Variants in RNF144B observed in about 807,000 individuals in gnomAD.
The protein encoded by RNF144B is ring finger protein 144B.
In RNF144B, 25 loss-of-function variants were observed where a neutral mutation model predicts 40.2. The ratio of observed to expected loss-of-function variants is 0.62; its 90% CI spans 0.45 to 0.87. RNF144B has a LOEUF of 0.87. RNF144B is among the 40% of genes least tolerant of loss of function. The probability of loss-of-function intolerance (pLI) is 0.00; values close to 1 mark genes in which losing one functional copy is unlikely to be tolerated. For missense variants in RNF144B, 365 were observed against 373.7 expected, an observed-to-expected ratio of 0.98 and a Z score of 0.19; for synonymous variants, 145 against 136.3, an observed-to-expected ratio of 1.06 and a Z score of -0.44.
At chr6:18,440,151 C>G (rs1758927451) in intron 4 of RNF144B, among the ~76,000 whole-genome samples, 1 of 152,104 alleles carries the variant, frequency 6.6e-6, no homozygotes, top group Non-Finnish European at 1.5e-5. Flanking sequence ...TACATAACAC[C>G]TGTTTTTTTG....
Position 18,441,230 on chromosome 6 carries a change from A to C in RNF144B, c.331+1486A>C, listed in dbSNP as rs1758957834. 6.6e-6 allele frequency among the ~76,000 whole-genome samples: 1 copy of C among 152,158 alleles called. No individual in the cohort carries two copies. ...TTATCCCAACATCCTCCACTATAAAAATCAATTATAATTAGAACATGGACA... is the reference window on the plus strand; with the variant it reads ...TTATCCCAACATCCTCCACTATAAACATCAATTATAATTAGAACATGGACA... On this transcript the variant is annotated intron_variant, in intron 4 of 7. Transcript: ENST00000259939. The surrounding 1 kb of genome is among the most constrained non-coding windows in gnomAD (Gnocchi z 4.9).
In RNF144B at chr6:18,414,636, TATTTC is replaced by T. The variant is rs1464387666; in HGVS notation, c.166-12941_166-12937del. On this transcript the variant is annotated intron_variant, in intron 2 of 7. Transcript: ENST00000259939. The surrounding 1 kb of genome is among the most constrained non-coding windows in gnomAD (Gnocchi z 4.9). ...ATATGATTAGTTTTAATTAAGATAT[TATTTC>T]ATTATAATTTATTCAAACTGGTTTA... 1.3e-5 allele frequency among the ~76,000 whole-genome samples: 2 copies of T among 152,178 alleles called. No homozygotes were observed. Among genetic ancestry groups the T allele is most frequent in the African/African-American group, 4.8e-5 (2 of 41,456 alleles).
rs143057464 is a variant in RNF144B at position 18,415,777 on chromosome 6, A to G, written c.166-11804A>G. 5.3e-5 allele frequency among the ~76,000 whole-genome samples: 8 copies of G among 152,006 alleles called. No individual in the cohort carries two copies. The East Asian group carries it at 1.5e-3, about 29-fold the overall frequency. On this transcript the variant is annotated intron_variant, in intron 2 of 7. Transcript: ENST00000259939. ...TGGGTTGAATGGTTATATTTTATTC[A>G]GGTGACTAGCATAGCCGTACCTCAT...
chr6:18,406,249 G>A lies in RNF144B; in HGVS notation c.165+6550G>A. The A allele has an allele frequency of 2.1e-6, 1 of 481,832 alleles. No individual in the cohort carries two copies. Among genetic ancestry groups the A allele is most frequent in the Non-Finnish European group, 4.1e-6 (1 of 242,282 alleles). 29.8% of individuals were successfully genotyped at this position (481,832 alleles called of 1,614,324 possible). On this transcript the variant is annotated intron_variant, in intron 2 of 7. Coordinates refer to ENST00000259939, the MANE Select transcript of RNF144B (RefSeq NM_182757.4). This position sits in a 1 kb window ranked among gnomAD's most constrained non-coding sequence, Gnocchi z 4.2. ...GTGAGGGGGGTCAGGAGTGCTGTGG[G>A]GAAGAGGGACTTCTACTTTATTAGA... is the stretch of plus-strand genomic sequence containing the variant.
chr6:18,409,243 T>G (rs1794980110), intron 2 of RNF144B, among the ~76,000 whole-genome samples: 1 of 151,676 alleles, frequency 6.6e-6, no homozygotes, highest in African/African-American at 2.4e-5. Context: ...CCAGGCACAG[T>G]GGCGCACACC....
At position 18,419,173 on chromosome 6, in the gene RNF144B, A is replaced by G. The variant is rs1427428063; in HGVS notation, c.166-8408A>G. On this transcript the variant is annotated intron_variant, in intron 2 of 7. Transcript: ENST00000259939. This position sits in a 1 kb window ranked among gnomAD's most constrained non-coding sequence, Gnocchi z 4.6. ...TTGAATAGTAAGGCAGGCGAATGTT[A>G]TCTCTGAAGTTCCTTATCCTCTGTC... Among the ~76,000 whole-genome samples, 2 of 152,196 alleles carry G rather than the reference A, an allele frequency of 1.3e-5. No individual in the cohort carries two copies. The highest frequency in any genetic ancestry group is 2.4e-5 in the African/African-American group (1 of 41,460).
chr6:18,423,658 A>G (rs1758485597), intron 2 of RNF144B, among the ~76,000 whole-genome samples: 1 of 152,162 alleles, frequency 6.6e-6, no homozygotes, highest in South Asian at 2.1e-4. Flanking sequence ...AGACTCTCAG[A>G]GTTGGAAGAG....
chr6:18,421,577 A>G (rs1758427732), intron 2 of RNF144B, among the ~76,000 whole-genome samples: 1 of 152,078 alleles, frequency 6.6e-6, no homozygotes, highest in Non-Finnish European at 1.5e-5. Flanking sequence ...CCTACGTGGC[A>G]AAGCAGGGTG....
At chr6:18,432,429 C>T (rs1248549511) in intron 3 of RNF144B, among the ~76,000 whole-genome samples, 2 of 152,234 alleles carry the variant, frequency 1.3e-5, no homozygotes, top group Non-Finnish European at 2.9e-5. Context: ...TCCTCTATTG[C>T]ATCATCTGGT....
At chr6:18,396,341 C>G in intron 1 of RNF144B, 3 of 916,068 alleles carry the variant, frequency 3.3e-6, no homozygotes, top group Non-Finnish European at 3.9e-6. Context: ...CAATTAATTT[C>G]TAAGAGGTAT....
At chr6:18,452,498 T>C (rs1189898551) in intron 4 of RNF144B, among the ~76,000 whole-genome samples, 1 of 152,188 alleles carries the variant, frequency 6.6e-6, no homozygotes, top group East Asian at 1.9e-4. Flanking sequence ...AAGGGGAAAT[T>C]TGAATGTGTT....
rs999552084 is a variant in RNF144B at position 18,387,440 on chromosome 6, G to T, written c.-227G>T. ...GCGGTCGGGGACTCCGCCTCCTCCCGACCCGTAGGTCTGGGAGCGCAAGTC... is the reference window on the plus strand; with the variant it reads ...GCGGTCGGGGACTCCGCCTCCTCCCTACCCGTAGGTCTGGGAGCGCAAGTC... On this transcript the variant is annotated 5_prime_UTR_variant, in exon 1 of 8. Transcript: ENST00000259939. 1 of 1,209,686 alleles carries T rather than the reference G, an allele frequency of 8.3e-7. No individual in the cohort carries two copies. Among genetic ancestry groups the T allele is most frequent in the Non-Finnish European group, 1.1e-6 (1 of 944,736 alleles). The allele number at this position is 1,209,686 out of a possible 1,614,324, so 74.9% of individuals were successfully genotyped here.
At chr6:18,403,343 A>G (rs1794830055) in intron 2 of RNF144B, among the ~76,000 whole-genome samples, 1 of 152,222 alleles carries the variant, frequency 6.6e-6, no homozygotes, top group African/African-American at 2.4e-5. Context: ...GAATAGTGAA[A>G]ACACAGTTGT....
At chr6:18,399,350 C>G in intron 1 of RNF144B, 149 bp from the exon 2 acceptor site, 1 of 592,170 alleles carries the variant, frequency 1.7e-6, no homozygotes, top group Non-Finnish European at 2.9e-6. Flanking sequence ...AGGTGAACCA[C>G]TCTCTAGCCC....
chr6:18,461,624 T>C (rs1401482590), intron 6 of RNF144B, among the ~76,000 whole-genome samples: 2 of 152,220 alleles, frequency 1.3e-5, no homozygotes, highest in African/African-American at 4.8e-5. Flanking sequence ...GATGAAATGG[T>C]GCAGATGTTA....
At position 18,409,247 on chromosome 6, in the gene RNF144B, G is replaced by A. The variant is rs375334583; in HGVS notation, c.165+9548G>A. ...ACAAAAATTTGCCAGGCACAGTGGC[G>A]CACACCTGTAATCCCAGCTATTTGG... is the stretch of plus-strand genomic sequence containing the variant. On this transcript the variant is annotated intron_variant, in intron 2 of 7. Coordinates refer to ENST00000259939, the MANE Select transcript of RNF144B (RefSeq NM_182757.4). Among the ~76,000 whole-genome samples the A allele has an allele frequency of 4.6e-4, 70 of 151,456 alleles. No homozygotes were observed. The East Asian group carries it at 7.9e-3, about 17-fold the overall frequency.
intron 2 of RNF144B, among the ~76,000 whole-genome samples, chr6:18,415,696 A>G (rs1463481915): frequency 6.6e-6 from 1 of 152,098 alleles, no homozygotes; most frequent in African/African-American, 2.4e-5. Flanking sequence ...GGTGTAGTTT[A>G]ATATTCATTC....
rs186690576 is a variant in RNF144B, at chr6:18,460,955, G to C, written c.681+1204G>C. Among the ~76,000 whole-genome samples, 455 of 152,252 alleles carry C rather than the reference G, an allele frequency of 3.0e-3. 1 individual carries two copies. The highest frequency in any genetic ancestry group is 2.5e-3 in the Non-Finnish European group (171 of 68,010). ...TCAGCGTAAGCCCTCAGTTACCATT[G>C]AGTTGCTATTCTTTTCTCAGCTCTT... On this transcript the variant is annotated intron_variant, in intron 6 of 7. Coordinates refer to ENST00000259939, the MANE Select transcript of RNF144B (RefSeq NM_182757.4). The surrounding 1 kb of genome is among the most constrained non-coding windows in gnomAD (Gnocchi z 4.4).
chr6:18,423,945 T>G (rs1444496057), intron 2 of RNF144B, among the ~76,000 whole-genome samples: 1 of 152,246 alleles, frequency 6.6e-6, no homozygotes, highest in East Asian at 1.9e-4. Context: ...ATTGCTTATT[T>G]AAATATCTGT....
Sources: allele counts gnomAD v4.1 joint callset (sites outside exome capture counted in the v4.1 genomes callset), GRCh38; gene constraint gnomAD v4.1.1; non-coding constraint Gnocchi (gnomAD v3.1); transcripts MANE v1.5; gene names NCBI Gene and HGNC (gene_info 2026-07-23, HGNC 2026-07-21).